Variants in HDAC4 observed in about 807,000 individuals in gnomAD.
The protein encoded by HDAC4 is histone deacetylase 4.
HDAC4 carries 16 observed loss-of-function variants against 135.1 expected under a neutral mutation model. The ratio of observed to expected loss-of-function variants is 0.12; its 90% CI spans 0.08 to 0.18. HDAC4 has a LOEUF of 0.18. HDAC4 is among the 10% of genes least tolerant of loss of function. The pLI is 1.00. For synonymous variants in HDAC4, 685 were observed against 653.4 expected, an observed-to-expected ratio of 1.05 and a Z score of -0.74; for missense variants, 1,143 against 1,511.8, an observed-to-expected ratio of 0.76 and a Z score of 4.05.
At chr2:239,214,657 C>G (rs1035615454) in intron 3 of HDAC4, among the ~76,000 whole-genome samples, 14 of 152,248 alleles carry the variant, frequency 9.2e-5, no homozygotes, top group African/African-American at 2.9e-4. Context: ...GAGCAGCCGC[C>G]AGGCTCAGCA....
intron 2 of HDAC4, among the ~76,000 whole-genome samples, chr2:239,277,130 T>G (rs1418753520): frequency 6.6e-6 from 1 of 152,188 alleles, no homozygotes; most frequent in Admixed American, 6.5e-5. Flanking sequence ...CCTGCTCACC[T>G]TGGTGTACCC....
intron 12 of HDAC4, among the ~76,000 whole-genome samples, chr2:239,124,507 T>C (rs1378598727): frequency 6.6e-6 from 1 of 152,182 alleles, no homozygotes; most frequent in African/African-American, 2.4e-5. Flanking sequence ...TGTGGCCACG[T>C]TATATGACAT....
At position 239,176,673 on chromosome 2, in the gene HDAC4, T is replaced by C. The variant is rs1575300587; in HGVS notation, c.340-110A>G. The C allele has an allele frequency of 5.0e-6, 5 of 997,418 alleles. No individual in the cohort carries two copies. In the East Asian group the frequency reaches 1.3e-4, roughly 25 times the overall value. The allele number at this position is 997,418 out of a possible 1,614,324, so 61.8% of individuals were successfully genotyped here. On this transcript the variant is annotated intron_variant, in intron 4 of 26. Transcript: ENST00000543185. ...CAGGCCCTACACGTCTGCCCTGGTGTGGCCCTGGGCACTGCCCTGCCCTGC... is the reference window on the plus strand; with the variant it reads ...CAGGCCCTACACGTCTGCCCTGGTGCGGCCCTGGGCACTGCCCTGCCCTGC...
chr2:239,100,786 G>T (rs1049027768), intron 16 of HDAC4, among the ~76,000 whole-genome samples: 20 of 152,164 alleles, frequency 1.3e-4, no homozygotes, highest in African/African-American at 4.8e-4. Flanking sequence ...AGGTCAGCAT[G>T]CTGGCAGCCC....
intron 1 of HDAC4, among the ~76,000 whole-genome samples, chr2:239,377,845 C>A (rs1182946131): frequency 6.6e-6 from 1 of 152,144 alleles, no homozygotes; most frequent in Admixed American, 6.5e-5. Flanking sequence ...GATCACCGCG[C>A]TGAGCTCAGC....
At position 239,219,190 on chromosome 2, in the gene HDAC4, T is replaced by C. The variant is rs1353424528; in HGVS notation, c.94+17403A>G. On this transcript the variant is annotated intron_variant, in intron 3 of 26. Coordinates refer to ENST00000543185, the MANE Select transcript of HDAC4 (RefSeq NM_001378414.1). ...CACACGTATGTTTATTGCGGCACTA[T>C]TCACAATAGCAAAGACTTGGAACCA... Among the ~76,000 whole-genome samples the C allele has an allele frequency of 6.6e-5, 10 of 150,820 alleles. No individual in the cohort carries two copies. The East Asian group carries it at 1.7e-3, about 26-fold the overall frequency.
chr2:239,057,882 A>T (rs891969095), intron 24 of HDAC4, among the ~76,000 whole-genome samples: 1 of 152,246 alleles, frequency 6.6e-6, no homozygotes. Flanking sequence ...AACAGGGATG[A>T]CATAGAGCAA....
At chr2:239,054,007 C>G (rs1046960213) in intron 25 of HDAC4, among the ~76,000 whole-genome samples, 1 of 151,668 alleles carries the variant, frequency 6.6e-6, no homozygotes, top group African/African-American at 2.4e-5. Flanking sequence ...GCTGAGGGGT[C>G]TTCTGCCTGG....
chr2:239,397,574 T>C lies in HDAC4; in HGVS notation c.-220+3404A>G, dbSNP rs76144363. On this transcript the variant is annotated intron_variant, in intron 1 of 26. Coordinates refer to ENST00000543185, the MANE Select transcript of HDAC4 (RefSeq NM_001378414.1). Reference sequence around the variant, plus strand: ...GGGACATGTAGGACCCTGACCCTCCTTCTAGGAAGTGAGTAGGAGGTTTGT... The same window carrying C: ...GGGACATGTAGGACCCTGACCCTCCCTCTAGGAAGTGAGTAGGAGGTTTGT... Among the ~76,000 whole-genome samples the C allele has an allele frequency of 2.6e-3, 398 of 152,184 alleles. 3 individuals are homozygous for C. Among genetic ancestry groups the C allele is most frequent in the East Asian group, 0.021 (110 of 5,172 alleles).
At chr2:239,171,273 G>A (rs1028866455) in intron 5 of HDAC4, among the ~76,000 whole-genome samples, 6 of 151,214 alleles carry the variant, frequency 4.0e-5, no homozygotes, top group African/African-American at 1.2e-4. Context: ...ACTACGTGCA[G>A]AAAAAAATAA....
rs1042571940 is a variant in HDAC4, at chr2:239,240,814, C to G, written c.23-4150G>C. Among the ~76,000 whole-genome samples, 1 of 152,164 alleles carries G rather than the reference C, an allele frequency of 6.6e-6. No homozygotes were observed. ...CTCTTGCCAGGAGTCCCTTTCGCGCCGACAGGACCCAGCCTGAACTGAGCA... is the reference window on the plus strand; with the variant it reads ...CTCTTGCCAGGAGTCCCTTTCGCGCGGACAGGACCCAGCCTGAACTGAGCA... On this transcript the variant is annotated intron_variant, in intron 2 of 26. Transcript: ENST00000543185. The surrounding 1 kb of genome is among the most constrained non-coding windows in gnomAD (Gnocchi z 4.5).
intron 2 of HDAC4, among the ~76,000 whole-genome samples, chr2:239,292,096 C>T (rs779953767): frequency 2.0e-5 from 3 of 152,290 alleles, no homozygotes; most frequent in Middle Eastern, 6.8e-3. Flanking sequence ...CAGCTCAGGA[C>T]GGCCACGCCA....
chr2:239,130,626 A>G (rs866298601), intron 11 of HDAC4, among the ~76,000 whole-genome samples: 31 of 139,058 alleles, frequency 2.2e-4, no homozygotes, highest in African/African-American at 7.7e-4. Flanking sequence ...CGAGGCATAC[A>G]CATCTCCCTC....
At chr2:239,233,153 G>A (rs1036232976) in intron 3 of HDAC4, among the ~76,000 whole-genome samples, 1 of 152,200 alleles carries the variant, frequency 6.6e-6, no homozygotes, top group African/African-American at 2.4e-5. Flanking sequence ...TTATGATAGA[G>A]CTACTTTACA....
intron 16 of HDAC4, among the ~76,000 whole-genome samples, chr2:239,099,124 A>C (rs556522325): frequency 6.6e-6 from 1 of 152,342 alleles, no homozygotes; most frequent in South Asian, 2.1e-4. Context: ...ACTAGCTTAG[A>C]AACCTAAGCA....
chr2:239,310,989 C>T (rs2052848320), intron 2 of HDAC4, among the ~76,000 whole-genome samples: 3 of 152,214 alleles, frequency 2.0e-5, no homozygotes, highest in Admixed American at 2.0e-4. Flanking sequence ...GCCACAATTC[C>T]AAAACTGCAG....
intron 2 of HDAC4, among the ~76,000 whole-genome samples, chr2:239,329,939 C>T (rs62182108): frequency 0.24 from 37,124 of 151,888 alleles, 5,061 homozygotes; most frequent in East Asian, 0.46. Context: ...CTCCCCCAGC[C>T]GGAGCAGGAA....
intron 16 of HDAC4, among the ~76,000 whole-genome samples, chr2:239,096,015 C>G (rs1322635225): frequency 6.6e-6 from 1 of 152,128 alleles, no homozygotes. Context: ...CTGGGCTGTA[C>G]CCCCCGCTGT....
intron 22 of HDAC4, among the ~76,000 whole-genome samples, chr2:239,071,235 T>C (rs753312657): frequency 1.3e-5 from 2 of 152,018 alleles, no homozygotes; most frequent in African/African-American, 4.8e-5. Flanking sequence ...CTGGCCAACA[T>C]GGTGAAACCC....
Sources: gnomAD v4.1 joint callset for allele counts (sites outside exome capture counted in the v4.1 genomes callset) on GRCh38, gnomAD v4.1.1 for gene constraint, Gnocchi (gnomAD v3.1) non-coding constraint, MANE v1.5 for transcripts, NCBI Gene and HGNC (gene_info 2026-07-23, HGNC 2026-07-21) for gene names.